The following RBFOX1 variants were observed in gnomAD, a reference collection of about 807,000 sequenced individuals.
RBFOX1 encodes the protein RNA binding fox-1 homolog 1, also known as RNA binding protein fox-1 homolog 1.
In RBFOX1, 8 loss-of-function variants were observed where a neutral mutation model predicts 57.7. The ratio of observed to expected loss-of-function variants is 0.14; its 90% CI spans 0.08 to 0.25. RBFOX1 has a LOEUF of 0.25. Ranked by LOEUF, RBFOX1 falls within the 10% of genes least tolerant of loss-of-function variation. The pLI, the probability that RBFOX1 is intolerant of heterozygous loss-of-function variation, is 1.00. For synonymous variants in RBFOX1, 326 were observed against 222.4 expected (o/e 1.47, Z -4.15); for missense variants, 611 against 548.5 (o/e 1.11, Z -1.14).
chr16:7,127,840 T>G (rs1352877988), intron 4 of RBFOX1, among the ~76,000 whole-genome samples: 2 of 152,206 alleles, frequency 1.3e-5, no homozygotes, highest in Non-Finnish European at 2.9e-5. Flanking sequence ...TGCAAGCATA[T>G]AAGGACTTTA....
At chr16:7,177,711 T>G (rs2152500039) in intron 4 of RBFOX1, among the ~76,000 whole-genome samples, 1 of 152,280 alleles carries the variant, frequency 6.6e-6, no homozygotes, top group South Asian at 2.1e-4. Context: ...ATCTCTTCTG[T>G]GAGGAGCCAG....
At position 6,832,243 on chromosome 16, in the gene RBFOX1, A is replaced by T. The variant is rs116552971; in HGVS notation, c.-16+177593A>T. The stretch of plus-strand genomic sequence containing the variant: ...ATAAGCAGGAGTTTCTGAAGGGAAC[A>T]ACACAGTGGGATTTATCTTGAAAAG... On this transcript the variant is annotated intron_variant, in intron 3 of 15. Transcript: ENST00000550418. Among the ~76,000 whole-genome samples, 1,172 of 152,344 alleles carry T rather than the reference A, an allele frequency of 7.7e-3. 21 individuals are homozygous for T. The highest frequency in any genetic ancestry group is 0.026 in the African/African-American group (1,078 of 41,590).
chr16:6,652,360 A>G (rs962274982), intron 2 of RBFOX1, among the ~76,000 whole-genome samples: 1 of 152,082 alleles, frequency 6.6e-6, no homozygotes, highest in Non-Finnish European at 1.5e-5. Flanking sequence ...AGGCAGAAGA[A>G]TCACTTGAAC....
intron 3 of RBFOX1, among the ~76,000 whole-genome samples, chr16:5,691,635 A>T (rs2050683214): frequency 6.6e-6 from 1 of 152,232 alleles, no homozygotes; most frequent in South Asian, 2.1e-4. Context: ...AAAATCTGAA[A>T]TGCTCCAATG....
At chr16:7,019,877 T>C (rs1597182114) in intron 3 of RBFOX1, among the ~76,000 whole-genome samples, 1 of 152,164 alleles carries the variant, frequency 6.6e-6, no homozygotes, top group South Asian at 2.1e-4. Flanking sequence ...ATACTGACAT[T>C]TTTGCGTGTG....
chr16:5,593,438 T>C (rs897013017), intron 2 of RBFOX1, among the ~76,000 whole-genome samples: 4 of 152,114 alleles, frequency 2.6e-5, no homozygotes, highest in Non-Finnish European at 5.9e-5. Flanking sequence ...CATGTATACC[T>C]ATGTAACAAA....
chr16:7,525,304 T>G lies in RBFOX1; in HGVS notation c.270+6915T>G, dbSNP rs542440458. 7.5e-4 allele frequency among the ~76,000 whole-genome samples: 114 copies of G among 152,334 alleles called. No homozygotes were observed. In the Middle Eastern group the frequency reaches 0.01, roughly 14 times the overall value. Reference sequence around the variant, plus strand: ...TCAGTCATTATTTTGTGTGTGTGTGTGTGTGCATTTTTATGTACAGAAGTA... The same window carrying G: ...TCAGTCATTATTTTGTGTGTGTGTGGGTGTGCATTTTTATGTACAGAAGTA... On this transcript the variant is annotated intron_variant, in intron 5 of 15. Transcript: ENST00000550418.
intron 4 of RBFOX1, among the ~76,000 whole-genome samples, chr16:7,325,784 A>G (rs1233084189): frequency 1.3e-5 from 2 of 152,238 alleles, no homozygotes; most frequent in South Asian, 2.1e-4. Context: ...TTTTGTAGCC[A>G]TCCTCTCCTT....
chr16:7,584,061 G>T (rs920426970), intron 6 of RBFOX1, among the ~76,000 whole-genome samples: 2 of 152,126 alleles, frequency 1.3e-5, no homozygotes, highest in Non-Finnish European at 2.9e-5. Context: ...ACAGGGCATG[G>T]TACCTTCTAC....
Position 6,097,886 on chromosome 16 carries a change from C to T in RBFOX1, c.-127+77894C>T, listed in dbSNP as rs182965588. ...GTCTGATTTGTGCATGGCTATTTTGCGATTTGCCATTGCTGGAATATTTAG... is the reference window on the plus strand; with the variant it reads ...GTCTGATTTGTGCATGGCTATTTTGTGATTTGCCATTGCTGGAATATTTAG... On this transcript the variant is annotated intron_variant, in intron 1 of 15. Transcript: ENST00000550418. This position sits in a 1 kb window ranked among gnomAD's most constrained non-coding sequence, Gnocchi z 5.0. Among the ~76,000 whole-genome samples, 264 of 151,980 alleles carry T rather than the reference C, an allele frequency of 1.7e-3. 5 individuals are homozygous for T. Among genetic ancestry groups the T allele is most frequent in the South Asian group, 1.0e-3 (5 of 4,804 alleles).
intron 1 of RBFOX1, among the ~76,000 whole-genome samples, chr16:6,155,732 A>C (rs2096833776): frequency 6.6e-6 from 1 of 152,186 alleles, no homozygotes; most frequent in African/African-American, 2.4e-5. Context: ...GCCTGATGGG[A>C]GGACGGCAGG....
intron 4 of RBFOX1, among the ~76,000 whole-genome samples, chr16:7,085,637 G>C (rs888287971): frequency 2.0e-5 from 3 of 152,122 alleles, no homozygotes; most frequent in Non-Finnish European, 4.4e-5. Context: ...TTTTCCCTAA[G>C]TTTTCCTATC....
intron 3 of RBFOX1, among the ~76,000 whole-genome samples, chr16:7,041,523 C>A (rs994967700): frequency 2.0e-5 from 3 of 152,096 alleles, no homozygotes; most frequent in South Asian, 2.1e-4. Context: ...CCTCATTCGC[C>A]GTTGCACTCT....
intron 10 of RBFOX1, among the ~76,000 whole-genome samples, chr16:7,630,350 C>A (rs1024328749): frequency 6.7e-6 from 1 of 149,150 alleles, no homozygotes; most frequent in Non-Finnish European, 1.5e-5. Context: ...GGCCCTGGGG[C>A]AACCAGAGTC....
At chr16:5,293,190 G>T (rs188548553) in intron 1 of RBFOX1, among the ~76,000 whole-genome samples, 9 of 152,042 alleles carry the variant, frequency 5.9e-5, no homozygotes, top group Admixed American at 3.9e-4. Context: ...GTGTGGTGGT[G>T]CACGCCTGTA....
intron 3 of RBFOX1, among the ~76,000 whole-genome samples, chr16:5,856,561 G>A (rs13380524): frequency 0.034 from 1,511 of 43,952 alleles, 57 homozygotes; most frequent in Admixed American, 0.044. Context: ...GTGTGTGTGT[G>A]TATGTGTGTG....
intron 3 of RBFOX1, among the ~76,000 whole-genome samples, chr16:6,767,860 G>T (rs2077560794): frequency 6.6e-6 from 1 of 151,112 alleles, no homozygotes; most frequent in Non-Finnish European, 1.5e-5. Flanking sequence ...GTTGCAGTGA[G>T]CCGAGATCGC....
At chr16:7,494,835 T>A (rs1292407559) in intron 4 of RBFOX1, among the ~76,000 whole-genome samples, 1 of 117,582 alleles carries the variant, frequency 8.5e-6, no homozygotes, top group African/African-American at 3.0e-5. Context: ...ACCTACTTTT[T>A]TTTTTTTTTT....
intron 2 of RBFOX1, among the ~76,000 whole-genome samples, chr16:5,510,322 C>T (rs1490628726): frequency 6.6e-6 from 1 of 152,188 alleles, no homozygotes; most frequent in African/African-American, 2.4e-5. Flanking sequence ...GCTGGGGCCG[C>T]TCTCCCTCTG....
Sources: gnomAD v4.1 joint callset for allele counts (sites outside exome capture counted in the v4.1 genomes callset) on GRCh38, gnomAD v4.1.1 for gene constraint, Gnocchi (gnomAD v3.1) non-coding constraint, MANE v1.5 for transcripts, NCBI Gene and HGNC (gene_info 2026-07-23, HGNC 2026-07-21) for gene names.